Variants in GPAM observed in about 807,000 individuals in gnomAD.
GPAM encodes the protein glycerol-3-phosphate acyltransferase, mitochondrial, also known as glycerol-3-phosphate acyltransferase 1, mitochondrial.
Under a neutral mutation model 105.0 loss-of-function variants are expected in GPAM, and 56 were observed. The observed-to-expected ratio is 0.53, with a 90% CI of 0.43 to 0.67. The LOEUF (loss-of-function observed/expected upper bound fraction) is 0.67, where lower values mean the gene tolerates loss of function less well. Ranked by LOEUF, GPAM falls within the 30% of genes least tolerant of loss-of-function variation. The pLI is 0.00. For missense variants in GPAM, 855 were observed against 989.8 expected, an observed-to-expected ratio of 0.86 and a Z score of 1.83; for synonymous variants, 368 against 354.4, an observed-to-expected ratio of 1.04 and a Z score of -0.43.
At chr10:112,212,980 C>T (rs563131575) in intron 1 of GPAM, among the ~76,000 whole-genome samples, 4 of 152,296 alleles carry the variant, frequency 2.6e-5, no homozygotes, top group South Asian at 4.1e-4. Flanking sequence ...GTGAGAGGGA[C>T]GGGAAAGCTG....
rs762988252 is a variant in GPAM at position 112,166,402 on chromosome 10, C to G, written c.1221G>C (p.Lys407Asn). 8 of 1,537,534 alleles carry G rather than the reference C, an allele frequency of 5.2e-6. No individual in the cohort carries two copies. Among genetic ancestry groups the G allele is most frequent in the Non-Finnish European group, 6.3e-6 (7 of 1,110,214 alleles). The part of the protein sequence containing the change: ...RVDFAQPFSL[K>N]EYLESQSQKP... ...TGGTTTCATTTCAACAGACACTCACCTTTAAGGAAAATGGCTGTGCAAAAT... is the reference window on the plus strand; with the variant it reads ...TGGTTTCATTTCAACAGACACTCACGTTTAAGGAAAATGGCTGTGCAAAAT... Residue 407 changes from lysine to asparagine, a missense_variant and splice_region_variant, in exon 12 of 22, where the codon AAG (lysine) becomes AAC (asparagine). Physicochemically the swap from Lys to Asn is moderately conservative, Grantham distance 94. Transcript: ENST00000348367.
intron 4 of GPAM, among the ~76,000 whole-genome samples, chr10:112,179,621 C>A (rs1261773998): frequency 6.6e-6 from 1 of 152,204 alleles, no homozygotes; most frequent in African/African-American, 2.4e-5. Flanking sequence ...ATACCAGACT[C>A]AGAATTCTAC....
chr10:112,173,142 C>T (rs1847342389), intron 7 of GPAM, 76 bp from the exon 8 acceptor site: 28 of 839,094 alleles, frequency 3.3e-5, no homozygotes, highest in Non-Finnish European at 6.2e-6. Flanking sequence ...ATACAGTTGA[C>T]TTCTGTCTAC....
upstream of GPAM, among the ~76,000 whole-genome samples, chr10:112,186,783 T>A (rs1386922549): frequency 6.6e-6 from 1 of 152,182 alleles, no homozygotes; most frequent in Non-Finnish European, 1.5e-5. Flanking sequence ...TCTCCTGACC[T>A]CAAGTGATGC....
chr10:112,201,061 A>C (rs1264780246), intron 1 of GPAM, among the ~76,000 whole-genome samples: 1 of 152,174 alleles, frequency 6.6e-6, no homozygotes, highest in Non-Finnish European at 1.5e-5. Flanking sequence ...ACTGATTTTC[A>C]CCTTAAGTGC....
At chr10:112,198,267 C>A (rs1847749109) in intron 1 of GPAM, among the ~76,000 whole-genome samples, 5 of 152,352 alleles carry the variant, frequency 3.3e-5, no homozygotes, top group Middle Eastern at 3.4e-3. Context: ...GTCCCACTTG[C>A]TTTCACAGAT....
chr10:112,182,803 A>C lies in GPAM; in HGVS notation c.-39T>G, dbSNP rs1847532110. 1 of 152,198 alleles carries C rather than the reference A, an allele frequency of 6.6e-6. No individual in the cohort carries two copies. The highest frequency in any genetic ancestry group is 1.5e-5 in the Non-Finnish European group (1 of 68,034). 9.4% of individuals were successfully genotyped at this position (152,198 alleles called of 1,614,324 possible). A position where few individuals can be genotyped will look rare whatever the true frequency, so the allele number is the denominator to read the frequency against. On this transcript the variant is annotated 5_prime_UTR_variant, in exon 2 of 22. Coordinates refer to ENST00000348367, the MANE Select transcript of GPAM (RefSeq NM_001244949.2). Reference sequence around the variant, plus strand: ...GAATAAACCAATGCACCTGGGATGAAAGTTCTTCTGTTTCATAACATAAAA... The same window carrying C: ...GAATAAACCAATGCACCTGGGATGACAGTTCTTCTGTTTCATAACATAAAA...
chr10:112,188,231 A>G (rs1847617625), upstream of GPAM, among the ~76,000 whole-genome samples: 1 of 152,200 alleles, frequency 6.6e-6, no homozygotes, highest in Admixed American at 6.5e-5. Context: ...AATAAAAAAC[A>G]ATTGAAACTG....
Position 112,176,685 on chromosome 10 carries a change from T to C in GPAM, c.300-972A>G, listed in dbSNP as rs118104727. Among the ~76,000 whole-genome samples, 208 of 152,284 alleles carry C rather than the reference T, an allele frequency of 1.4e-3. 2 individuals carry two copies. In the East Asian group the frequency reaches 0.033, roughly 24 times the overall value. ...TCAGTCAACATTTTCAGAAATATTA[T>C]TGGTATGTACAAAGTCCAAGCTCTC... On this transcript the variant is annotated intron_variant, in intron 5 of 21. Coordinates refer to ENST00000348367, the MANE Select transcript of GPAM (RefSeq NM_001244949.2).
chr10:112,193,077 A>T (rs1350113864), intron 1 of GPAM, among the ~76,000 whole-genome samples: 1 of 152,206 alleles, frequency 6.6e-6, no homozygotes, highest in Non-Finnish European at 1.5e-5. Flanking sequence ...CATCAGAAAA[A>T]CGAACCCCTT....
intron 5 of GPAM, among the ~76,000 whole-genome samples, chr10:112,176,114 G>A (rs893588217): frequency 6.6e-6 from 1 of 152,126 alleles, no homozygotes; most frequent in East Asian, 1.9e-4. Flanking sequence ...AGATAAATTT[G>A]GAAGTCTTTT....
At position 112,151,374 on chromosome 10, in the gene GPAM, T is replaced by C. The variant is rs1846916107; in HGVS notation, c.*2176A>G. The C allele has an allele frequency of 1.0e-6, 1 of 985,876 alleles. No homozygotes were observed. The highest frequency in any genetic ancestry group is 1.1e-4 in the East Asian group (1 of 8,818). The allele number at this position is 985,876 out of a possible 1,614,324, so 61.1% of individuals were successfully genotyped here. On this transcript the variant is annotated 3_prime_UTR_variant, in exon 22 of 22. Coordinates refer to ENST00000348367, the MANE Select transcript of GPAM (RefSeq NM_001244949.2). ...TGAGGCACTGAAGAATGAGTTGTGC[T>C]GAAATTAACTCAAAGGTCAGCTTGT...
intron 14 of GPAM, among the ~76,000 whole-genome samples, chr10:112,163,081 G>A (rs1358869546): frequency 6.6e-6 from 1 of 152,162 alleles, no homozygotes; most frequent in Admixed American, 6.5e-5. Context: ...CCACTGTGCT[G>A]CCTTGGGATT....
rs761149340 is a variant in GPAM at position 112,160,713 on chromosome 10, G to A, written c.1650C>T (p.Ser550=). 2 of 1,613,958 alleles carry A rather than the reference G, an allele frequency of 1.2e-6. No individual in the cohort carries two copies. The highest frequency in any genetic ancestry group is 3.3e-5 in the Admixed American group (2 of 60,014). The change falls in exon 16 of 22, where the codon AGC becomes AGT. Residue 550 remains serine (S), a synonymous_variant. Coordinates refer to ENST00000348367, the MANE Select transcript of GPAM (RefSeq NM_001244949.2). ...GGGTGATAAAAAACTCATCGTTCCT[G>A]CTAGTGTGGGTGATTGTGACACAAT... ...LGNCVTITHT[S]RNDEFFITPS...
chr10:112,171,025 C>T (rs567181613), intron 9 of GPAM, among the ~76,000 whole-genome samples: 6 of 152,318 alleles, frequency 3.9e-5, no homozygotes, highest in African/African-American at 1.4e-4. Flanking sequence ...TGAAGCTCCA[C>T]CTGCACAACC....
chr10:112,185,551 C>A (rs980381607), upstream of GPAM, among the ~76,000 whole-genome samples: 2 of 144,152 alleles, frequency 1.4e-5, no homozygotes, highest in Non-Finnish European at 3.0e-5. Flanking sequence ...AGATTTTTAA[C>A]ACCCTAACAC....
upstream of GPAM, among the ~76,000 whole-genome samples, chr10:112,185,487 T>A (rs202183669): frequency 1.2e-4 from 17 of 140,080 alleles, no homozygotes; most frequent in East Asian, 1.0e-3. Flanking sequence ...GAAAAATCTT[T>A]AAAAAAAAAA....
At chr10:112,161,827 T>C in intron 14 of GPAM, 90 bp from the exon 15 acceptor site, 1 of 902,452 alleles carries the variant, frequency 1.1e-6, no homozygotes, top group South Asian at 1.4e-5. Flanking sequence ...AACAGGAGTA[T>C]TTAAAACTGT....
intron 1 of GPAM, among the ~76,000 whole-genome samples, chr10:112,192,223 ACTGAGAGC>A (rs1847668906): frequency 6.6e-6 from 1 of 152,188 alleles, no homozygotes; most frequent in Admixed American, 6.5e-5. Flanking sequence ...TAACACACTG[ACTGAGAGC>A]CTTTTTTGCA....
Sources: allele counts gnomAD v4.1 joint callset (sites outside exome capture counted in the v4.1 genomes callset), GRCh38; gene constraint gnomAD v4.1.1; transcripts MANE v1.5; gene names NCBI Gene and HGNC (gene_info 2026-07-23, HGNC 2026-07-21).